MYOM2: variants seen among roughly 807,000 people sequenced by gnomAD.
MYOM2 encodes myomesin 2, also known as myomesin-2.
Under a neutral mutation model 187.6 loss-of-function variants are expected in MYOM2, and 254 were observed. That is an observed-to-expected ratio of 1.35 (90% CI 1.22 to 1.50). The LOEUF (loss-of-function observed/expected upper bound fraction) is 1.50. Ranked by LOEUF, MYOM2 falls within the 40% of genes most tolerant of loss-of-function variation. The pLI, the probability that MYOM2 is intolerant of heterozygous loss-of-function variation, is 0.00. For missense variants in MYOM2, 2,796 were observed against 1,924.0 expected (o/e 1.45, Z -8.48); for synonymous variants, 981 against 753.8 (o/e 1.30, Z -4.94).
At chr8:2,113,018 G>A (rs1259828438) in intron 25 of MYOM2, among the ~76,000 whole-genome samples, 1 of 152,170 alleles carries the variant, frequency 6.6e-6, no homozygotes, top group Non-Finnish European at 1.5e-5. Flanking sequence ...CATTATTCAG[G>A]CTGGAAAGCC....
intron 23 of MYOM2, 77 bp downstream of exon 23, chr8:2,106,674 C>T (rs923895457): frequency 8.4e-6 from 9 of 1,067,182 alleles, no homozygotes; most frequent in Non-Finnish European, 1.1e-5. Context: ...ATAGAAAAGA[C>T]TTACTTGCTT....
intron 14 of MYOM2, among the ~76,000 whole-genome samples, chr8:2,087,872 A>T (rs1796149954): frequency 6.6e-6 from 1 of 152,104 alleles, no homozygotes; most frequent in African/African-American, 2.4e-5. Context: ...TTCCTGCCTC[A>T]GCCTCCCAAA....
intron 6 of MYOM2, among the ~76,000 whole-genome samples, chr8:2,065,885 A>T (rs1433746438): frequency 2.0e-5 from 3 of 152,200 alleles, no homozygotes; most frequent in Non-Finnish European, 4.4e-5. Context: ...ACCACAGTTT[A>T]AAAACGGCTA....
intron 2 of MYOM2, among the ~76,000 whole-genome samples, chr8:2,051,369 C>T (rs1273767420): frequency 6.6e-6 from 1 of 152,082 alleles, no homozygotes; most frequent in Admixed American, 6.5e-5. Context: ...CTTCCGGAAG[C>T]TTCTCGGGGA....
At chr8:2,056,522 C>G (rs1396061679) in intron 3 of MYOM2, among the ~76,000 whole-genome samples, 1 of 121,982 alleles carries the variant, frequency 8.2e-6, no homozygotes, top group Non-Finnish European at 1.7e-5. Flanking sequence ...GTGAACATTT[C>G]TGAGTCCCTA....
chr8:2,138,594 G>C (rs1798163550), intron 32 of MYOM2, among the ~76,000 whole-genome samples: 1 of 152,230 alleles, frequency 6.6e-6, no homozygotes, highest in Non-Finnish European at 1.5e-5. Context: ...GTTTTTAAAA[G>C]TTTAGATAGA....
At chr8:2,097,321 A>G (rs867712335) in intron 18 of MYOM2, among the ~76,000 whole-genome samples, 1 of 152,306 alleles carries the variant, frequency 6.6e-6, no homozygotes, top group South Asian at 2.1e-4. Context: ...GATCCCTTAC[A>G]ATGTCTAAAT....
chr8:2,073,555 G>C, intron 10 of MYOM2, 55 bp downstream of exon 10: 1 of 1,528,064 alleles, frequency 6.5e-7, no homozygotes, highest in Non-Finnish European at 8.8e-7. Flanking sequence ...GGGGAGGGGA[G>C]GCAGCCCTGG....
rs140912504 is a variant in MYOM2 at position 2,075,025 on chromosome 8, C to T, written c.1121-1116C>T. Among the ~76,000 whole-genome samples, 39 of 152,364 alleles carry T rather than the reference C, an allele frequency of 2.6e-4. No homozygotes were observed. The East Asian group carries it at 4.2e-3, about 17-fold the overall frequency. On this transcript the variant is annotated intron_variant, in intron 10 of 36. Coordinates refer to ENST00000262113, the MANE Select transcript of MYOM2 (RefSeq NM_003970.4). ...TCCAGCTCCAGTGGGGTGCAGGACG[C>T]ATCCATACATCTTCATGATTACTTT...
chr8:2,100,032 C>G (rs1439566356), intron 19 of MYOM2, among the ~76,000 whole-genome samples: 11 of 124,946 alleles, frequency 8.8e-5, no homozygotes, highest in African/African-American at 2.9e-4. Flanking sequence ...TTCCTTCCTT[C>G]TTTCCTTCCT....
intron 31 of MYOM2, among the ~76,000 whole-genome samples, chr8:2,128,281 T>A (rs543600396): frequency 2.0e-5 from 3 of 152,340 alleles, no homozygotes; most frequent in African/African-American, 7.2e-5. Flanking sequence ...AATTTTAAGA[T>A]TCATAATATA....
intron 11 of MYOM2, chr8:2,076,710 C>G (rs1819436653): frequency 6.3e-6 from 1 of 158,512 alleles, no homozygotes; most frequent in Non-Finnish European, 1.4e-5. Flanking sequence ...TCATTTCTAA[C>G]AAAGTTCTTT....
At chr8:2,066,354 G>A (rs1471634652) in intron 6 of MYOM2, among the ~76,000 whole-genome samples, 3 of 152,190 alleles carry the variant, frequency 2.0e-5, no homozygotes, top group Non-Finnish European at 2.9e-5. Flanking sequence ...AGACCGCCTT[G>A]CTCACTTCCA....
At chr8:2,117,644 T>A (rs1797293098) in intron 27 of MYOM2, among the ~76,000 whole-genome samples, 1 of 152,168 alleles carries the variant, frequency 6.6e-6, no homozygotes, top group Non-Finnish European at 1.5e-5. Context: ...GAAGCACAGA[T>A]TCCAGTGGAG....
intron 1 of MYOM2, among the ~76,000 whole-genome samples, chr8:2,048,287 G>C (rs536427198): frequency 6.6e-6 from 1 of 152,210 alleles, no homozygotes; most frequent in Non-Finnish European, 1.5e-5. Context: ...AAGCTGAAAC[G>C]TCTTCCCCAA....
intron 11 of MYOM2, 167 bp downstream of exon 11, chr8:2,076,449 A>G (rs1819425319): frequency 2.3e-6 from 2 of 881,950 alleles, no homozygotes; most frequent in South Asian, 2.0e-5. Flanking sequence ...TAATTGGTAA[A>G]TACGGCCAAG....
In MYOM2 at chr8:2,056,024, C is replaced by A. The variant is rs1276119384; in HGVS notation, c.264-1324C>A. Among the ~76,000 whole-genome samples the A allele has an allele frequency of 2.6e-5, 4 of 152,324 alleles. No homozygotes were observed. The South Asian group carries it at 8.3e-4, about 32-fold the overall frequency. On this transcript the variant is annotated intron_variant, in intron 3 of 36. Coordinates refer to ENST00000262113, the MANE Select transcript of MYOM2 (RefSeq NM_003970.4). ...CCCTGCCACTCGGGAACGAACCTCC[C>A]CCAGCCTAACTTAGACTACTGAGTA...
At position 2,076,361 on chromosome 8, in the gene MYOM2, C is replaced by T. The variant is rs950456537; in HGVS notation, c.1262+79C>T. 19 of 1,520,564 alleles carry T rather than the reference C, an allele frequency of 1.2e-5. No individual in the cohort carries two copies. The African/African-American group carries it at 2.5e-4, about 20-fold the overall frequency. 94.2% of individuals were successfully genotyped at this position (1,520,564 alleles called of 1,614,324 possible). ...ATGGACAATATATTGAGAAATTTTT[C>T]TCAATGCAGGTTGACGTTCCCATTT... On this transcript the variant is annotated intron_variant, in intron 11 of 36. Transcript: ENST00000262113.
At position 2,124,201 on chromosome 8, in the gene MYOM2, A is replaced by C. The variant is rs755537072; in HGVS notation, c.3678A>C (p.Ala1226=). ...AGKVYDDMIL[A]MSRVCGKSAS... is the part of the protein sequence containing the mutation. ...CAGTGTATGATGATATGATTTTGGCAATGAGTAGAGTCTGTGGTAAGTAAA... is the reference window on the plus strand; with the variant it reads ...CAGTGTATGATGATATGATTTTGGCCATGAGTAGAGTCTGTGGTAAGTAAA... The change falls in exon 31 of 37, where the codon GCA becomes GCC. Residue 1226 remains alanine (A), a synonymous_variant. Coordinates refer to ENST00000262113, the MANE Select transcript of MYOM2 (RefSeq NM_003970.4). The C allele has an allele frequency of 3.1e-6, 5 of 1,612,934 alleles. No homozygotes were observed. The African/African-American group carries it at 5.3e-5, about 17-fold the overall frequency.
Sources: allele counts gnomAD v4.1 joint callset (sites outside exome capture counted in the v4.1 genomes callset), GRCh38; gene constraint gnomAD v4.1.1; transcripts MANE v1.5; gene names NCBI Gene and HGNC (gene_info 2026-07-23, HGNC 2026-07-21).